The following KAZN variants were observed in gnomAD, a reference collection of about 807,000 sequenced individuals.
KAZN encodes the protein kazrin.
KAZN carries 40 observed loss-of-function variants against 87.4 expected under a neutral mutation model. The observed-to-expected ratio is 0.46, with a 90% confidence interval of 0.36 to 0.60. The LOEUF is 0.60. Ranked by LOEUF, KAZN falls within the 20% of genes least tolerant of loss-of-function variation. The pLI is 0.00. For missense variants in KAZN, 898 were observed against 1,073.9 expected, an observed-to-expected ratio of 0.84 and a Z score of 2.29; for synonymous variants, 466 against 458.3, an observed-to-expected ratio of 1.02 and a Z score of -0.22.
chr1:14,244,696 G>A (rs1649327991), intron 2 of KAZN, among the ~76,000 whole-genome samples: 1 of 152,068 alleles, frequency 6.6e-6, no homozygotes, highest in Non-Finnish European at 1.5e-5. Context: ...TCCAGGCAGA[G>A]AGAACAGCAA....
chr1:14,234,417 TA>T (rs1162289239), intron 2 of KAZN, among the ~76,000 whole-genome samples: 1 of 146,932 alleles, frequency 6.8e-6, no homozygotes, highest in Non-Finnish European at 1.5e-5. Flanking sequence ...GATGGGGGGC[TA>T]GGGGTGGGAT....
At chr1:15,067,763 A>G (rs1469195368) in intron 8 of KAZN, 1 of 985,286 alleles carries the variant, frequency 1.0e-6, no homozygotes, top group African/African-American at 1.7e-5. Context: ...TCCTTTGACC[A>G]AACTGTTTAA....
At chr1:14,707,976 A>G (rs1370626335) in intron 1 of KAZN, among the ~76,000 whole-genome samples, 1 of 150,230 alleles carries the variant, frequency 6.7e-6, no homozygotes, top group Non-Finnish European at 1.5e-5. Context: ...CCAAGCATTA[A>G]TGAGATTAAA....
chr1:13,938,666 A>G (rs1031422948), intron 1 of KAZN, among the ~76,000 whole-genome samples: 1 of 152,232 alleles, frequency 6.6e-6, no homozygotes, highest in Non-Finnish European at 1.5e-5. Flanking sequence ...GAGGCCTCAC[A>G]CAGAATCCCC....
chr1:14,982,782 G>A (rs1274302643), intron 2 of KAZN, among the ~76,000 whole-genome samples: 4 of 152,204 alleles, frequency 2.6e-5, no homozygotes, highest in African/African-American at 4.8e-5. Context: ...GCCGGTGACC[G>A]GTGTTGTCAG....
intron 1 of KAZN, among the ~76,000 whole-genome samples, chr1:14,858,202 TC>T (rs1650366118): frequency 4.8e-5 from 6 of 125,002 alleles, no homozygotes; most frequent in Non-Finnish European, 8.0e-5. Flanking sequence ...TTTTCTTTTT[TC>T]TTTTTCTTTT....
intron 2 of KAZN, among the ~76,000 whole-genome samples, chr1:15,029,352 T>C (rs976498491): frequency 2.0e-5 from 3 of 152,178 alleles, no homozygotes; most frequent in South Asian, 2.1e-4. Flanking sequence ...ATTGAACTAT[T>C]TGGGGAGAGC....
At chr1:14,257,630 C>T (rs1027719197) in intron 2 of KAZN, among the ~76,000 whole-genome samples, 1 of 149,002 alleles carries the variant, frequency 6.7e-6, no homozygotes, top group African/African-American at 2.5e-5. Flanking sequence ...TTTAATCCAT[C>T]TTGAATTGAT....
chr1:14,544,350 C>CTTTTTTTTTTTTTTTTTTTGTTTTTTT (rs1673002970), intron 2 of KAZN, among the ~76,000 whole-genome samples: 1 of 98,120 alleles, frequency 1.0e-5, no homozygotes, highest in Non-Finnish European at 1.9e-5. Context: ...TTCTTTCTTT[C>CTTTTTTTTTTTTTTTTTTTGTTTTTTT]TTTTTTTTTT....
chr1:15,069,028 GA>G (rs34706869), intron 8 of KAZN, among the ~76,000 whole-genome samples: 25,295 of 146,354 alleles, frequency 0.17, 4,606 homozygotes, highest in African/African-American at 0.47. Context: ...ACACCTTAGG[GA>G]AAAAAAAAAA....
intron 2 of KAZN, among the ~76,000 whole-genome samples, chr1:14,451,448 G>A (rs1363592882): frequency 2.0e-5 from 3 of 152,100 alleles, no homozygotes; most frequent in African/African-American, 7.2e-5. Context: ...GAAACCAACA[G>A]CTGAGACTGA....
chr1:14,905,861 A>G (rs1656480210), intron 1 of KAZN, among the ~76,000 whole-genome samples: 1 of 145,288 alleles, frequency 6.9e-6, no homozygotes, highest in Non-Finnish European at 1.5e-5. Context: ...TAATAATAAT[A>G]ATAATAATAA....
At chr1:14,469,835 C>A (rs1235585646) in intron 2 of KAZN, among the ~76,000 whole-genome samples, 5 of 152,200 alleles carry the variant, frequency 3.3e-5, no homozygotes, top group African/African-American at 1.2e-4. Flanking sequence ...TGGGACTAAC[C>A]TCAGACATAA....
At chr1:14,879,394 G>A (rs905849395) in intron 1 of KAZN, among the ~76,000 whole-genome samples, 1 of 152,208 alleles carries the variant, frequency 6.6e-6, no homozygotes, top group Non-Finnish European at 1.5e-5. Flanking sequence ...TGATGATTGA[G>A]AAGTCAAATG....
chr1:14,330,925 T>C (rs775366443), intron 2 of KAZN, among the ~76,000 whole-genome samples: 1 of 152,196 alleles, frequency 6.6e-6, no homozygotes, highest in African/African-American at 2.4e-5. Flanking sequence ...AGGGTATATA[T>C]AGTTTCATAA....
chr1:13,917,819 A>AAAG (rs1639915007), intron 1 of KAZN, among the ~76,000 whole-genome samples: 1 of 146,996 alleles, frequency 6.8e-6, no homozygotes, highest in Admixed American at 6.8e-5. Flanking sequence ...AAAAAAAAAA[A>AAAG]GGAAAGAAAT....
chr1:14,308,429 T>C (rs939867870), intron 2 of KAZN, among the ~76,000 whole-genome samples: 1 of 152,200 alleles, frequency 6.6e-6, no homozygotes, highest in Non-Finnish European at 1.5e-5. Flanking sequence ...ATGTAAAATA[T>C]ATGCAAAGAA....
chr1:15,076,561 CT>C (rs1557782083), intron 8 of KAZN, among the ~76,000 whole-genome samples: 6 of 152,324 alleles, frequency 3.9e-5, no homozygotes, highest in Admixed American at 3.3e-4. Flanking sequence ...TCTTTCAGGG[CT>C]GCAGAGGCCC....
intron 1 of KAZN, among the ~76,000 whole-genome samples, chr1:13,987,680 A>AAG (rs70987710): frequency 6.6e-6 from 1 of 151,176 alleles, no homozygotes; most frequent in Non-Finnish European, 1.5e-5. Context: ...GAGGGAGAGA[A>AAG]AGAGAGAGAG....
Sources: gnomAD v4.1 joint callset for allele counts (sites outside exome capture counted in the v4.1 genomes callset) on GRCh38, gnomAD v4.1.1 for gene constraint, MANE v1.5 for transcripts, NCBI Gene and HGNC (gene_info 2026-07-23, HGNC 2026-07-21) for gene names.